Variants in RPS6KC1 observed in about 807,000 individuals in gnomAD.
RPS6KC1 encodes ribosomal protein S6 kinase C1.
A neutral mutation model predicts 103.8 loss-of-function variants in RPS6KC1; 54 were observed. The ratio of observed to expected loss-of-function variants is 0.52; its 90% confidence interval spans 0.42 to 0.65. The LOEUF (loss-of-function observed/expected upper bound fraction) is 0.65. Among genes scored for constraint, RPS6KC1 ranks in the 30% least tolerant of loss-of-function variants. The pLI is 0.00. For missense variants in RPS6KC1, 1,151 were observed against 1,253.8 expected, an observed-to-expected ratio of 0.92 and a Z score of 1.24; for synonymous variants, 439 against 438.7, an observed-to-expected ratio of 1.00 and a Z score of -0.01.
intron 6 of RPS6KC1, among the ~76,000 whole-genome samples, chr1:213,147,285 A>G (rs1223012533): frequency 3.3e-5 from 5 of 152,082 alleles, no homozygotes; most frequent in African/African-American, 1.2e-4. Context: ...AATATCCTGG[A>G]GATTTTCCCC....
At chr1:213,704,955 A>G in the RPS6KC1 span, among the ~76,000 whole-genome samples, 1 of 152,200 alleles carries the variant, frequency 6.6e-6, no homozygotes, top group Non-Finnish European at 1.5e-5. Context: ...CTCTTCTTTT[A>G]GATTCTCCTG....
At chr1:213,494,458 C>T in the RPS6KC1 span, among the ~76,000 whole-genome samples, 2 of 151,826 alleles carry the variant, frequency 1.3e-5, no homozygotes, top group Non-Finnish European at 2.9e-5. Flanking sequence ...TAGAAAAAAC[C>T]CTAAAATTTT....
intron 6 of RPS6KC1, among the ~76,000 whole-genome samples, chr1:213,155,602 T>C (rs958368610): frequency 1.3e-5 from 2 of 152,086 alleles, no homozygotes; most frequent in Non-Finnish European, 2.9e-5. Flanking sequence ...TCATAGACAC[T>C]CTCTGCACCA....
the RPS6KC1 span, among the ~76,000 whole-genome samples, chr1:213,627,876 A>G: frequency 7.2e-5 from 11 of 152,200 alleles, no homozygotes; most frequent in African/African-American, 2.4e-4. Flanking sequence ...ATATTGCTCT[A>G]AAATTCTCTT....
At chr1:213,725,579 G>T in the RPS6KC1 span, among the ~76,000 whole-genome samples, 2 of 152,184 alleles carry the variant, frequency 1.3e-5, no homozygotes, top group African/African-American at 4.8e-5. Context: ...GAAATCCAGA[G>T]CCCTTTACTC....
the RPS6KC1 span, among the ~76,000 whole-genome samples, chr1:213,712,046 C>T: frequency 3.9e-5 from 6 of 152,190 alleles, no homozygotes; most frequent in Admixed American, 2.0e-4. Context: ...AGCGCTGTGC[C>T]GGTACATCCA....
chr1:213,605,830 G>A, the RPS6KC1 span, among the ~76,000 whole-genome samples: 3 of 152,330 alleles, frequency 2.0e-5, no homozygotes, highest in Admixed American at 1.3e-4. Flanking sequence ...TGGTGGGTAA[G>A]GAGGGGAAAC....
chr1:213,103,205 A>G (rs1419300462), intron 3 of RPS6KC1, among the ~76,000 whole-genome samples: 4 of 151,758 alleles, frequency 2.6e-5, no homozygotes, highest in Non-Finnish European at 4.4e-5. Context: ...AAAAAAGATT[A>G]TCTGTGATAA....
chr1:213,111,663 T>TG (rs1444091112), intron 4 of RPS6KC1, among the ~76,000 whole-genome samples: 1 of 152,228 alleles, frequency 6.6e-6, no homozygotes, highest in East Asian at 1.9e-4. Flanking sequence ...GTATTTTTTA[T>TG]TTTGCATGAA....
intron 5 of RPS6KC1, among the ~76,000 whole-genome samples, chr1:213,118,059 C>T (rs1002622457): frequency 1.1e-4 from 11 of 99,752 alleles, no homozygotes; most frequent in South Asian, 3.5e-4. Context: ...ATTTCTTTAG[C>T]GCATCTGACT....
chr1:213,618,956 T>A, the RPS6KC1 span, among the ~76,000 whole-genome samples: 2 of 152,170 alleles, frequency 1.3e-5, no homozygotes, highest in African/African-American at 4.8e-5. Flanking sequence ...GGGAGTGCAG[T>A]GATGGCGACA....
At chr1:213,774,623 A>G in the RPS6KC1 span, among the ~76,000 whole-genome samples, 1 of 152,204 alleles carries the variant, frequency 6.6e-6, no homozygotes, top group Non-Finnish European at 1.5e-5. Context: ...GAACTCCATT[A>G]TGGCAGGCAT....
chr1:213,806,350 A>T, the RPS6KC1 span, among the ~76,000 whole-genome samples: 1 of 152,106 alleles, frequency 6.6e-6, no homozygotes, highest in African/African-American at 2.4e-5. Flanking sequence ...TAAATAAATA[A>T]AATAAAAAGA....
chr1:213,124,590 G>A (rs1293120392), intron 5 of RPS6KC1, among the ~76,000 whole-genome samples: 1 of 152,100 alleles, frequency 6.6e-6, no homozygotes, highest in African/African-American at 2.4e-5. Flanking sequence ...AAGCAGATGT[G>A]TTAAGTATAT....
chr1:213,270,979 G>T (rs1168810267), intron 14 of RPS6KC1, among the ~76,000 whole-genome samples: 1 of 152,196 alleles, frequency 6.6e-6, no homozygotes, highest in Non-Finnish European at 1.5e-5. Flanking sequence ...ATAAAGGTTT[G>T]TGGGAATGTA....
At chr1:213,284,318 C>G in the RPS6KC1 span, among the ~76,000 whole-genome samples, 3 of 152,140 alleles carry the variant, frequency 2.0e-5, no homozygotes, top group African/African-American at 7.2e-5. Context: ...GAGTTTGAGA[C>G]CAGCCTGGCC....
the RPS6KC1 span, among the ~76,000 whole-genome samples, chr1:213,669,986 G>A: frequency 1.3e-5 from 2 of 152,172 alleles, no homozygotes; most frequent in African/African-American, 4.8e-5. Flanking sequence ...GTGGAGTACA[G>A]GGAAAGGAGT....
the RPS6KC1 span, among the ~76,000 whole-genome samples, chr1:213,720,818 G>A: frequency 6.6e-6 from 1 of 152,190 alleles, no homozygotes; most frequent in African/African-American, 2.4e-5. Context: ...ATAATCTTAT[G>A]CAACTGAGAA....
the RPS6KC1 span, among the ~76,000 whole-genome samples, chr1:213,598,004 T>C: frequency 6.6e-6 from 1 of 152,180 alleles, no homozygotes; most frequent in Non-Finnish European, 1.5e-5. Context: ...AACAGAGTGA[T>C]GACTTGTCTC....
Sources: allele counts gnomAD v4.1 joint callset (sites outside exome capture counted in the v4.1 genomes callset), GRCh38; gene constraint gnomAD v4.1.1; transcripts MANE v1.5; gene names NCBI Gene and HGNC (gene_info 2026-07-23, HGNC 2026-07-21).